Variants in HECW1 observed in about 807,000 individuals in gnomAD.
HECW1 encodes the protein E3 ubiquitin-protein ligase HECW1.
In HECW1, 61 loss-of-function variants were observed where a neutral mutation model predicts 182.3. That is an observed-to-expected ratio of 0.33 (90% CI 0.27 to 0.41). HECW1 has a LOEUF of 0.41. HECW1 is among the 10% of genes least tolerant of loss of function. HECW1 has a pLI of 1.00. For missense variants in HECW1, 1,739 were observed against 2,108.9 expected (o/e 0.82, Z 3.44); for synonymous variants, 859 against 832.6 (o/e 1.03, Z -0.55).
intron 24 of HECW1, among the ~76,000 whole-genome samples, chr7:43,524,215 C>T (rs1034261446): frequency 2.6e-5 from 4 of 152,144 alleles, no homozygotes; most frequent in African/African-American, 9.7e-5. Context: ...TTAGCAGCGT[C>T]AAGAGTCTTT....
chr7:43,469,417 G>A (rs1179212071), intron 16 of HECW1, among the ~76,000 whole-genome samples: 1 of 152,086 alleles, frequency 6.6e-6, no homozygotes, highest in East Asian at 1.9e-4. Context: ...TTTAAATTTA[G>A]GTTTGGAATG....
intron 3 of HECW1, among the ~76,000 whole-genome samples, chr7:43,275,075 C>G (rs1055219634): frequency 6.6e-6 from 1 of 152,046 alleles, no homozygotes; most frequent in Admixed American, 6.6e-5. Flanking sequence ...AATAACAGAG[C>G]AAAGTACTCA....
At chr7:43,510,161 A>C (rs2079792216) in intron 24 of HECW1, 1 of 152,234 alleles carries the variant, frequency 6.6e-6, no homozygotes, top group Admixed American at 6.5e-5. Flanking sequence ...CAGACAAGTC[A>C]CCGTGGACGG....
intron 3 of HECW1, among the ~76,000 whole-genome samples, chr7:43,295,535 A>AG (rs1255190053): frequency 1.3e-5 from 2 of 152,232 alleles, no homozygotes; most frequent in East Asian, 3.9e-4. Context: ...CCCACTCCCC[A>AG]GGGGGGCCTG....
At chr7:43,440,897 G>C (rs1215994064) in intron 9 of HECW1, among the ~76,000 whole-genome samples, 1 of 152,126 alleles carries the variant, frequency 6.6e-6, no homozygotes, top group African/African-American at 2.4e-5. Context: ...GGGCTTGTTG[G>C]GATATAGGTT....
chr7:43,134,504 A>C, intron 2 of HECW1, among the ~76,000 whole-genome samples: 1 of 152,014 alleles, frequency 6.6e-6, no homozygotes, highest in Middle Eastern at 3.4e-3. Context: ...TTATGTTTAA[A>C]TTTAAATTTA....
chr7:43,191,265 T>C (rs1246098329), intron 2 of HECW1, among the ~76,000 whole-genome samples: 4 of 152,178 alleles, frequency 2.6e-5, no homozygotes, highest in African/African-American at 9.7e-5. Flanking sequence ...AGAGTTGAGT[T>C]TGAGCAAGAG....
intron 3 of HECW1, among the ~76,000 whole-genome samples, chr7:43,295,494 T>G (rs901780976): frequency 6.6e-6 from 1 of 152,162 alleles, no homozygotes; most frequent in Non-Finnish European, 1.5e-5. Context: ...CCATCCTTGA[T>G]GCAGACACCA....
chr7:43,254,296 T>C (rs1800337930), intron 3 of HECW1, among the ~76,000 whole-genome samples: 1 of 152,116 alleles, frequency 6.6e-6, no homozygotes, highest in African/African-American at 2.4e-5. Context: ...AGTAAAATAA[T>C]GAAGCCCCAC....
chr7:43,324,837 G>T (rs1286798638), intron 5 of HECW1, among the ~76,000 whole-genome samples: 1 of 151,998 alleles, frequency 6.6e-6, no homozygotes, highest in Non-Finnish European at 1.5e-5. Context: ...TTTTATTTTG[G>T]TTTTTATTTT....
chr7:43,254,351 G>A (rs958029003), intron 3 of HECW1, among the ~76,000 whole-genome samples: 1 of 152,014 alleles, frequency 6.6e-6, no homozygotes, highest in African/African-American at 2.4e-5. Context: ...AAGAAATATG[G>A]CATGGCCCAG....
rs1351353899 is a variant in HECW1 at position 43,252,092 on chromosome 7, TG to T, written c.27+8161del. On this transcript the variant is annotated intron_variant, in intron 3 of 29. Transcript: ENST00000395891. ...TTAACACACAGAATATTTCCAAATGTGCATCACTATCAGAACCATACACCTG... is the reference window on the plus strand; with the variant it reads ...TTAACACACAGAATATTTCCAAATGTCATCACTATCAGAACCATACACCTG... 2.6e-5 allele frequency among the ~76,000 whole-genome samples: 4 copies of T among 152,296 alleles called. No individual in the cohort carries two copies. In the South Asian group the frequency reaches 8.3e-4, roughly 32 times the overall value.
chr7:43,170,434 C>T (rs567135060), intron 2 of HECW1, among the ~76,000 whole-genome samples: 3 of 152,264 alleles, frequency 2.0e-5, no homozygotes, highest in African/African-American at 7.2e-5. Context: ...CCGCTGGTTT[C>T]ACGGGCACCC....
At chr7:43,552,422 A>T (rs1433127619) in intron 28 of HECW1, 86 bp downstream of exon 28, 2 of 904,258 alleles carry the variant, frequency 2.2e-6, no homozygotes, top group Middle Eastern at 3.1e-4. Context: ...GGTGAAATTG[A>T]TGTAAAATAA....
At chr7:43,174,554 G>C (rs1792018910) in intron 2 of HECW1, among the ~76,000 whole-genome samples, 1 of 152,154 alleles carries the variant, frequency 6.6e-6, no homozygotes, top group East Asian at 1.9e-4. Context: ...CCTGAGCGAG[G>C]TTCTTGTCCC....
intron 3 of HECW1, among the ~76,000 whole-genome samples, chr7:43,270,075 G>C (rs1802224439): frequency 6.6e-6 from 1 of 152,170 alleles, no homozygotes; most frequent in East Asian, 1.9e-4. Context: ...CTCAATAATT[G>C]TTGGATTTTT....
chr7:43,476,521 T>C (rs1203172813), intron 16 of HECW1, among the ~76,000 whole-genome samples: 4 of 152,124 alleles, frequency 2.6e-5, no homozygotes, highest in Non-Finnish European at 5.9e-5. Flanking sequence ...TTAGTTCCTC[T>C]GGAAAAATGA....
intron 17 of HECW1, chr7:43,484,618 A>G (rs73329821): frequency 6.7e-4 from 102 of 152,318 alleles, no homozygotes; most frequent in African/African-American, 2.3e-3. Flanking sequence ...TATATTAAGG[A>G]TCCTAAATGG....
intron 24 of HECW1, among the ~76,000 whole-genome samples, chr7:43,535,789 T>C (rs1563100614): frequency 6.6e-6 from 1 of 152,214 alleles, no homozygotes; most frequent in Non-Finnish European, 1.5e-5. Flanking sequence ...AAGAGTCATC[T>C]CAGGGCCATA....
Sources: gnomAD v4.1 joint callset for allele counts (sites outside exome capture counted in the v4.1 genomes callset) on GRCh38, gnomAD v4.1.1 for gene constraint, MANE v1.5 for transcripts, NCBI Gene and HGNC (gene_info 2026-07-23, HGNC 2026-07-21) for gene names.